PDE1C: variants seen among roughly 807,000 people sequenced by gnomAD.
The protein encoded by PDE1C is dual specificity calcium/calmodulin-dependent 3',5'-cyclic nucleotide phosphodiesterase 1C.
PDE1C carries 62 observed loss-of-function variants against 93.1 expected under a neutral mutation model. The observed-to-expected ratio is 0.67, with a 90% confidence interval of 0.54 to 0.82. The LOEUF is 0.82. Among genes scored for constraint, PDE1C ranks in the 40% least tolerant of loss-of-function variants. PDE1C has a pLI of 0.00. For missense variants in PDE1C, 742 were observed against 884.6 expected, an observed-to-expected ratio of 0.84 and a Z score of 2.04; for synonymous variants, 325 against 310.1, an observed-to-expected ratio of 1.05 and a Z score of -0.50.
chr7:32,185,114 C>G (rs1341162699), intron 2 of PDE1C, among the ~76,000 whole-genome samples: 6 of 135,092 alleles, frequency 4.4e-5, no homozygotes, highest in Non-Finnish European at 9.4e-5. Context: ...TCTGTCCCCC[C>G]ACAAAAAAAA....
intron 5 of PDE1C, among the ~76,000 whole-genome samples, chr7:31,876,711 A>AC (rs1302445807): frequency 6.6e-6 from 1 of 152,208 alleles, no homozygotes; most frequent in African/African-American, 2.4e-5. Context: ...GGGAAATATC[A>AC]CTGTACATTA....
At chr7:31,697,926 T>C in the PDE1C span, among the ~76,000 whole-genome samples, 1 of 152,208 alleles carries the variant, frequency 6.6e-6, no homozygotes, top group Non-Finnish European at 1.5e-5. Flanking sequence ...CTTATGTGGA[T>C]ACAATTGATA....
downstream of PDE1C, chr7:31,751,169 T>G (rs991417078): frequency 8.5e-5 from 13 of 152,142 alleles, no homozygotes; most frequent in African/African-American, 3.1e-4. Context: ...ATGGCTCACA[T>G]ACAAGAAAGT....
chr7:31,730,982 G>C, the PDE1C span, among the ~76,000 whole-genome samples: 1 of 152,152 alleles, frequency 6.6e-6, no homozygotes, highest in African/African-American at 2.4e-5. Context: ...AAGACACAAG[G>C]AGAGAAGGAG....
the PDE1C span, among the ~76,000 whole-genome samples, chr7:31,725,923 A>G: frequency 2.6e-5 from 4 of 152,332 alleles, no homozygotes; most frequent in African/African-American, 9.6e-5. Context: ...TGTTTTAAAA[A>G]AGAGAGAGAG....
chr7:32,372,911 T>C (rs1784358336), intron 1 of PDE1C, among the ~76,000 whole-genome samples: 1 of 152,230 alleles, frequency 6.6e-6, no homozygotes, highest in Non-Finnish European at 1.5e-5. Context: ...CACAATATCA[T>C]ACCACTGCAT....
chr7:32,389,188 G>T (rs1585138297), intron 1 of PDE1C, among the ~76,000 whole-genome samples: 4 of 136,696 alleles, frequency 2.9e-5, no homozygotes, highest in East Asian at 4.3e-4. Context: ...GTGTGTGTGT[G>T]TGGTTTTTTT....
At chr7:31,703,776 A>C in the PDE1C span, among the ~76,000 whole-genome samples, 1 of 152,192 alleles carries the variant, frequency 6.6e-6, no homozygotes, top group African/African-American at 2.4e-5. Flanking sequence ...TGAAAACTGG[A>C]CAAGGATCCA....
chr7:31,713,990 T>C, the PDE1C span, among the ~76,000 whole-genome samples: 1 of 152,190 alleles, frequency 6.6e-6, no homozygotes, highest in South Asian at 2.1e-4. Flanking sequence ...TTTTCCCCAT[T>C]GTTTTGGTGG....
the PDE1C span, among the ~76,000 whole-genome samples, chr7:31,740,335 T>TAACA: frequency 6.6e-6 from 1 of 152,330 alleles, no homozygotes; most frequent in South Asian, 2.1e-4. Flanking sequence ...AGTGAATGAC[T>TAACA]AACATACATA....
intron 3 of PDE1C, among the ~76,000 whole-genome samples, chr7:32,090,962 T>C (rs1316931449): frequency 6.6e-6 from 1 of 152,234 alleles, no homozygotes; most frequent in Non-Finnish European, 1.5e-5. Context: ...AGAGATATAT[T>C]CAAGTTCTTC....
intron 1 of PDE1C, among the ~76,000 whole-genome samples, chr7:32,244,429 C>A (rs974035195): frequency 6.6e-6 from 1 of 152,190 alleles, no homozygotes; most frequent in Non-Finnish European, 1.5e-5. Context: ...CCTGACCTAG[C>A]CAGTCCTGCA....
At chr7:32,289,820 G>T (rs140902992) in intron 1 of PDE1C, among the ~76,000 whole-genome samples, 1 of 152,156 alleles carries the variant, frequency 6.6e-6, no homozygotes, top group African/African-American at 2.4e-5. Flanking sequence ...CCCCAAGCCC[G>T]TGGAATCGCA....
At chr7:31,688,309 A>G in the PDE1C span, among the ~76,000 whole-genome samples, 1 of 152,242 alleles carries the variant, frequency 6.6e-6, no homozygotes, top group Non-Finnish European at 1.5e-5. Flanking sequence ...CAAGCAGCCA[A>G]ACGTTGGCTT....
At chr7:32,166,136 A>G (rs1236587515) in intron 3 of PDE1C, among the ~76,000 whole-genome samples, 1 of 152,202 alleles carries the variant, frequency 6.6e-6, no homozygotes, top group Admixed American at 6.5e-5. Flanking sequence ...ATGCAACAAA[A>G]CATCATATTA....
At chr7:31,690,285 T>C in the PDE1C span, among the ~76,000 whole-genome samples, 3 of 152,252 alleles carry the variant, frequency 2.0e-5, no homozygotes, top group African/African-American at 7.2e-5. Context: ...ACTTGAATTA[T>C]GACTACAATG....
At chr7:31,637,957 C>T in the PDE1C span, among the ~76,000 whole-genome samples, 1 of 152,110 alleles carries the variant, frequency 6.6e-6, no homozygotes, top group African/African-American at 2.4e-5. Flanking sequence ...CTACAGATGG[C>T]TAGCCAGTTT....
intron 2 of PDE1C, among the ~76,000 whole-genome samples, chr7:31,930,722 A>G (rs111588433): frequency 0.033 from 5,063 of 151,568 alleles, 273 homozygotes; most frequent in African/African-American, 0.12. Flanking sequence ...GGTGGTACAC[A>G]CCTGTAGTCC....
At chr7:31,858,057 C>A (rs950194826) in intron 7 of PDE1C, among the ~76,000 whole-genome samples, 4 of 151,958 alleles carry the variant, frequency 2.6e-5, no homozygotes, top group African/African-American at 9.7e-5. Context: ...ATTAAAATAC[C>A]GAAAGACTGG....
Sources: allele counts gnomAD v4.1 joint callset (sites outside exome capture counted in the v4.1 genomes callset), GRCh38; gene constraint gnomAD v4.1.1; transcripts MANE v1.5; gene names NCBI Gene and HGNC (gene_info 2026-07-23, HGNC 2026-07-21).